The following ZDHHC20 variants were observed in gnomAD, a reference collection of about 807,000 sequenced individuals.
ZDHHC20 encodes zDHHC palmitoyltransferase 20.
A neutral mutation model predicts 57.8 loss-of-function variants in ZDHHC20; 43 were observed. The observed-to-expected ratio is 0.74, with a 90% CI of 0.58 to 0.96. ZDHHC20 has a LOEUF of 0.96. Among genes scored for constraint, ZDHHC20 ranks in the 40% least tolerant of loss-of-function variants. The probability of loss-of-function intolerance (pLI) is 0.00; values close to 1 mark genes in which losing one functional copy is unlikely to be tolerated. For synonymous variants in ZDHHC20, 157 were observed against 153.0 expected (o/e 1.03, Z -0.19); for missense variants, 391 against 441.1 (o/e 0.89, Z 1.02).
chr13:21,410,700 A>G (rs1415404391), intron 4 of ZDHHC20, among the ~76,000 whole-genome samples: 1 of 152,182 alleles, frequency 6.6e-6, no homozygotes. Context: ...TAATGGCAGA[A>G]GCCCCTCCCC....
chr13:21,445,556 C>G (rs1441219831), intron 1 of ZDHHC20, among the ~76,000 whole-genome samples: 1 of 152,166 alleles, frequency 6.6e-6, no homozygotes, highest in Admixed American at 6.5e-5. Context: ...AACAGGCTAT[C>G]TGAAATCCAG....
intron 4 of ZDHHC20, among the ~76,000 whole-genome samples, chr13:21,404,721 T>C (rs1878205689): frequency 6.9e-6 from 1 of 144,756 alleles, no homozygotes; most frequent in Non-Finnish European, 1.5e-5. Flanking sequence ...GCCACTGCAC[T>C]CCAACCTGGG....
chr13:21,395,285 C>T (rs1295168710), intron 7 of ZDHHC20, among the ~76,000 whole-genome samples: 2 of 151,792 alleles, frequency 1.3e-5, no homozygotes, highest in Non-Finnish European at 2.9e-5. Context: ...TCAGGATGGT[C>T]TTGATCTCCT....
chr13:21,382,349 A>G (rs1351027818), intron 10 of ZDHHC20, among the ~76,000 whole-genome samples: 1 of 152,150 alleles, frequency 6.6e-6, no homozygotes, highest in African/African-American at 2.4e-5. Context: ...TAAATTACCA[A>G]TGTTTTACGT....
intron 4 of ZDHHC20, among the ~76,000 whole-genome samples, chr13:21,403,560 G>A (rs1398495713): frequency 6.6e-6 from 1 of 152,162 alleles, no homozygotes; most frequent in African/African-American, 2.4e-5. Flanking sequence ...ATTAGACAGT[G>A]ATAATATAGA....
At chr13:21,382,741 T>G (rs1050243958) in intron 10 of ZDHHC20, among the ~76,000 whole-genome samples, 179 bp downstream of exon 10, 4 of 152,184 alleles carry the variant, frequency 2.6e-5, no homozygotes, top group South Asian at 4.1e-4. Flanking sequence ...AATAAAAAAT[T>G]ATGGTTATTA....
intron 1 of ZDHHC20, among the ~76,000 whole-genome samples, chr13:21,446,988 G>C (rs893547113): frequency 6.6e-6 from 1 of 152,034 alleles, no homozygotes; most frequent in Non-Finnish European, 1.5e-5. Flanking sequence ...AAGAAAGGAC[G>C]CCAGTCAAGA....
At chr13:21,394,493 G>A (rs761932935) in intron 7 of ZDHHC20, among the ~76,000 whole-genome samples, 1 of 151,966 alleles carries the variant, frequency 6.6e-6, no homozygotes, top group South Asian at 2.1e-4. Context: ...AACTCTGCCC[G>A]TTTTTTCAGA....
At chr13:21,446,763 G>A (rs1486524909) in intron 1 of ZDHHC20, among the ~76,000 whole-genome samples, 1 of 152,122 alleles carries the variant, frequency 6.6e-6, no homozygotes, top group Non-Finnish European at 1.5e-5. Flanking sequence ...ATAGCGTCAG[G>A]TATTAATCTT....
chr13:21,404,856 T>C (rs986570247), intron 4 of ZDHHC20, among the ~76,000 whole-genome samples: 1 of 151,892 alleles, frequency 6.6e-6, no homozygotes, highest in African/African-American at 2.4e-5. Flanking sequence ...CCCAATAAAA[T>C]GCATACATCT....
chr13:21,436,340 T>C (rs928975990), intron 1 of ZDHHC20, among the ~76,000 whole-genome samples: 2 of 152,240 alleles, frequency 1.3e-5, no homozygotes, highest in Non-Finnish European at 2.9e-5. Context: ...TTTGATTTAT[T>C]GTGCTTTGCA....
intron 7 of ZDHHC20, among the ~76,000 whole-genome samples, chr13:21,398,192 C>T (rs530070389): frequency 2.6e-5 from 4 of 152,180 alleles, no homozygotes; most frequent in Non-Finnish European, 5.9e-5. Context: ...AGGTTGGGCG[C>T]GGTGGCTCAC....
intron 7 of ZDHHC20, among the ~76,000 whole-genome samples, chr13:21,399,920 C>T (rs1877381782): frequency 6.6e-6 from 1 of 152,002 alleles, no homozygotes; most frequent in Non-Finnish European, 1.5e-5. Flanking sequence ...GTTGATAAGA[C>T]ATTTGATTGT....
intron 9 of ZDHHC20, among the ~76,000 whole-genome samples, chr13:21,384,590 A>C (rs1874112068): frequency 6.6e-6 from 1 of 152,006 alleles, no homozygotes; most frequent in Non-Finnish European, 1.5e-5. Context: ...CTTTTGATAA[A>C]TACTAAGCTG....
chr13:21,435,851 CAG>C (rs1375947356), intron 1 of ZDHHC20, among the ~76,000 whole-genome samples: 2 of 152,290 alleles, frequency 1.3e-5, no homozygotes, highest in African/African-American at 2.4e-5. Flanking sequence ...GATGCTAAGA[CAG>C]AGTTTGGGGT....
chr13:21,379,825 C>CTTTTTTCTTTTTTT (rs1555253667), intron 11 of ZDHHC20, among the ~76,000 whole-genome samples: 1 of 137,732 alleles, frequency 7.3e-6, no homozygotes, highest in Non-Finnish European at 1.5e-5. Flanking sequence ...TTTCTTTTTT[C>CTTTTTTCTTTTTTT]TTTTTTTTTG....
At chr13:21,424,133 T>C (rs1593246780) in intron 2 of ZDHHC20, among the ~76,000 whole-genome samples, 1 of 152,164 alleles carries the variant, frequency 6.6e-6, no homozygotes, top group East Asian at 1.9e-4. Flanking sequence ...TAAAAGATGT[T>C]ATCATTAACT....
chr13:21,416,613 A>G (rs368462353), intron 3 of ZDHHC20, among the ~76,000 whole-genome samples: 2 of 152,222 alleles, frequency 1.3e-5, no homozygotes, highest in South Asian at 4.1e-4. Context: ...CATTAATAAT[A>G]TATTACAAGG....
rs773673403 is a variant in ZDHHC20 at position 21,374,432 on chromosome 13, G to A, written c.*2264C>T. ...GTATTTTTAGTGGAGACAGGGTTTT[G>A]CCATTTTGACCAGGCTAATCTCGAA... On this transcript the variant is annotated 3_prime_UTR_variant, in exon 13 of 13. Transcript: ENST00000400590. 8.2e-4 allele frequency: 372 copies of A among 455,554 alleles called. 2 individuals carry two copies. Among genetic ancestry groups the A allele is most frequent in the Non-Finnish European group, 1.4e-3 (310 of 226,644 alleles). The allele number at this position is 455,554 out of a possible 1,614,324, so 28.2% of individuals were successfully genotyped here.
Sources: gnomAD v4.1 joint callset for allele counts (sites outside exome capture counted in the v4.1 genomes callset) on GRCh38, gnomAD v4.1.1 for gene constraint, MANE v1.5 for transcripts, NCBI Gene and HGNC (gene_info 2026-07-23, HGNC 2026-07-21) for gene names.